ABCC2: variants seen among roughly 807,000 people sequenced by gnomAD.
ABCC2 encodes the protein ATP binding cassette subfamily C member 2, also known as ATP-binding cassette sub-family C member 2.
Under a neutral mutation model 173.4 loss-of-function variants are expected in ABCC2, and 157 were observed. The observed-to-expected ratio is 0.91, with a 90% CI of 0.80 to 1.03. ABCC2 has a LOEUF of 1.03. ABCC2 is among the 50% of genes least tolerant of loss of function. The probability of loss-of-function intolerance (pLI) is 0.00; values close to 1 mark genes in which losing one functional copy is unlikely to be tolerated. For synonymous variants in ABCC2, 657 were observed against 693.5 expected, an observed-to-expected ratio of 0.95 and a Z score of 0.83; for missense variants, 1,822 against 1,852.3, an observed-to-expected ratio of 0.98 and a Z score of 0.30.
intron 2 of ABCC2, among the ~76,000 whole-genome samples, chr10:99,786,332 T>C (rs2037710431): frequency 6.6e-6 from 1 of 152,210 alleles, no homozygotes; most frequent in Non-Finnish European, 1.5e-5. Flanking sequence ...TGTTAGACTT[T>C]GAACATTCTG....
chr10:99,832,729 T>C (rs1182001901), intron 23 of ABCC2, among the ~76,000 whole-genome samples: 1 of 152,244 alleles, frequency 6.6e-6, no homozygotes, highest in African/African-American at 2.4e-5. Context: ...GACTATGGAA[T>C]AGAGCCATCA....
Position 99,851,722 on chromosome 10 carries a change from G to A in ABCC2, c.*91G>A. 7.9e-7 allele frequency: 1 copy of A among 1,273,008 alleles called. No homozygotes were observed. The allele number at this position is 1,273,008 out of a possible 1,614,324, so 78.9% of individuals were successfully genotyped here. A position where few individuals can be genotyped will look rare whatever the true frequency, so the allele number is the denominator to read the frequency against. The stretch of plus-strand genomic sequence containing the variant: ...AAATACAGAATACATACAAAAGTGT[G>A]TATAAAATGTACGTTTTAAAAAAGG... On this transcript the variant is annotated 3_prime_UTR_variant, in exon 32 of 32. Coordinates refer to ENST00000647814, the MANE Select transcript of ABCC2 (RefSeq NM_000392.5).
intron 19 of ABCC2, among the ~76,000 whole-genome samples, chr10:99,822,177 A>T (rs1254655535): frequency 6.6e-6 from 1 of 152,180 alleles, no homozygotes; most frequent in Non-Finnish European, 1.5e-5. Flanking sequence ...CCCAGTAGGT[A>T]TAGTTAGCTG....
Position 99,814,454 on chromosome 10 carries a change from TATACATAC to T in ABCC2, c.2094+1312_2094+1319del, listed in dbSNP as rs1269477924. ...ATGTGTATACACACATATGTGTGTA[TATACATAC>T]ACACATATGTGTGTATATACATACA... On this transcript the variant is annotated intron_variant, in intron 16 of 31. Coordinates refer to ENST00000647814, the MANE Select transcript of ABCC2 (RefSeq NM_000392.5). Among the ~76,000 whole-genome samples the T allele has an allele frequency of 3.2e-5, 2 of 61,678 alleles. 1 individual carries two copies. Among genetic ancestry groups the T allele is most frequent in the Non-Finnish European group, 5.9e-5 (2 of 33,974 alleles). 40.5% of individuals were successfully genotyped at this position (61,678 alleles called of 152,430 possible).
intron 19 of ABCC2, among the ~76,000 whole-genome samples, chr10:99,827,461 T>A (rs995713685): frequency 1.3e-5 from 2 of 152,238 alleles, no homozygotes; most frequent in Admixed American, 6.5e-5. Flanking sequence ...TTTTTCCTTG[T>A]CTTTTCATTA....
intron 19 of ABCC2, among the ~76,000 whole-genome samples, chr10:99,824,134 T>C (rs1411626614): frequency 6.6e-6 from 1 of 152,164 alleles, no homozygotes; most frequent in Non-Finnish European, 1.5e-5. Context: ...GGGGTTAACA[T>C]TCTTTTACTA....
intron 16 of ABCC2, among the ~76,000 whole-genome samples, chr10:99,814,378 C>CACGTATGTATGCACACATGTAT: frequency 8.3e-5 from 2 of 24,126 alleles, no homozygotes; most frequent in Admixed American, 8.6e-4. Context: ...TATATATACA[C>CACGTATGTATGCACACATGTAT]ATATATACAT....
At chr10:99,791,403 G>A (rs761066784) in intron 2 of ABCC2, among the ~76,000 whole-genome samples, 8 of 152,274 alleles carry the variant, frequency 5.3e-5, no homozygotes, top group African/African-American at 7.2e-5. Context: ...GTGAGACTCC[G>A]TCTCAAAACA....
rs112758556 is a variant in ABCC2, at chr10:99,830,429, C to A, written c.2743C>A (p.Arg915Ser). ...RENSFRRTLS[R>S]SSRSNGRHLK... ...GAACAGCTTTCGTCGAACACTTAGC[C>A]GCAGGTTGGCTATCTATTCAGCTGG... The change falls in exon 20 of 32, where the codon CGC becomes AGC. Residue 915 changes from arginine (R) to serine (S), a missense_variant. By Grantham distance (110) the Arg-to-Ser change is moderately radical (BLOSUM62 -1). Transcript: ENST00000647814. The A allele has an allele frequency of 3.1e-6, 5 of 1,614,062 alleles. No homozygotes were observed. The highest frequency in any genetic ancestry group is 4.2e-6 in the Non-Finnish European group (5 of 1,180,034).
At chr10:99,794,028 T>C in intron 5 of ABCC2, 29 bp downstream of exon 5, 1 of 1,540,200 alleles carries the variant, frequency 6.5e-7, no homozygotes, top group Non-Finnish European at 9.0e-7. Context: ...CCATCTCATA[T>C]ATTACTTAAT....
rs2037861761 is a variant in ABCC2 at position 99,794,444 on chromosome 10, G to C, written c.608G>C (p.Ser203Thr). 6.2e-7 allele frequency: 1 copy of C among 1,613,928 alleles called. No individual in the cohort carries two copies. The highest frequency in any genetic ancestry group is 8.5e-7 in the Non-Finnish European group (1 of 1,179,912). The change falls in exon 6 of 32, where the codon AGC becomes ACC. Residue 203 changes from serine (S) to threonine (T), a missense_variant. By Grantham distance (58) the Ser-to-Thr change is moderately conservative. Coordinates refer to ENST00000647814, the MANE Select transcript of ABCC2 (RefSeq NM_000392.5). Reference sequence around the variant, plus strand: ...TCATCCATAGCTTCATTCCTGAGTAGCATTACCTACAGCTGGTATGACAGG... The same window carrying C: ...TCATCCATAGCTTCATTCCTGAGTACCATTACCTACAGCTGGTATGACAGG... Reference protein sequence around the residue: ...NPSSIASFLSSITYSWYDSII... With the variant: ...NPSSIASFLSTITYSWYDSII...
intron 31 of ABCC2, among the ~76,000 whole-genome samples, 169 bp downstream of exon 31, chr10:99,850,965 C>T (rs1020559255): frequency 3.3e-5 from 5 of 152,126 alleles, no homozygotes; most frequent in African/African-American, 1.2e-4. Context: ...TTACATCACG[C>T]AAATGAAAAC....
At chr10:99,820,468 C>A (rs966265509) in intron 19 of ABCC2, among the ~76,000 whole-genome samples, 1 of 152,014 alleles carries the variant, frequency 6.6e-6, no homozygotes, top group East Asian at 1.9e-4. Context: ...AAAGAAAAAT[C>A]TAAGCCAGGG....
chr10:99,782,747 A>G lies in ABCC2; in HGVS notation c.-98A>G, dbSNP rs1243114055. ...TTTACGGAGAACATCAGAATGGTAG[A>G]TAATTCCTGTTCCACTTTCTTTGAT... On this transcript the variant is annotated 5_prime_UTR_variant, in exon 1 of 32. Transcript: ENST00000647814. 5.1e-6 allele frequency: 7 copies of G among 1,370,288 alleles called. No individual in the cohort carries two copies. The East Asian group carries it at 1.6e-4, about 31-fold the overall frequency. 84.9% of individuals were successfully genotyped at this position (1,370,288 alleles called of 1,614,324 possible).
chr10:99,816,245 C>T (rs1030009009), intron 16 of ABCC2, among the ~76,000 whole-genome samples: 3 of 152,152 alleles, frequency 2.0e-5, no homozygotes, highest in Non-Finnish European at 4.4e-5. Context: ...GAATTACAGG[C>T]GTGAGCCACC....
At chr10:99,806,399 T>C (rs949790304) in intron 11 of ABCC2, among the ~76,000 whole-genome samples, 7 of 152,170 alleles carry the variant, frequency 4.6e-5, no homozygotes, top group African/African-American at 1.7e-4. Context: ...AATTTGAAGT[T>C]TGTAAAACCC....
chr10:99,851,729 A>G lies in ABCC2; in HGVS notation c.*98A>G. 1.6e-6 allele frequency: 2 copies of G among 1,245,636 alleles called. No individual in the cohort carries two copies. The highest frequency in any genetic ancestry group is 2.3e-5 in the Admixed American group (1 of 43,912). 77.2% of individuals were successfully genotyped at this position (1,245,636 alleles called of 1,614,324 possible). Reference sequence around the variant, plus strand: ...GAATACATACAAAAGTGTGTATAAAATGTACGTTTTAAAAAAGGATAAGTG... The same window carrying G: ...GAATACATACAAAAGTGTGTATAAAGTGTACGTTTTAAAAAAGGATAAGTG... On this transcript the variant is annotated 3_prime_UTR_variant, in exon 32 of 32. Transcript: ENST00000647814.
intron 25 of ABCC2, among the ~76,000 whole-genome samples, chr10:99,841,259 A>G (rs1273684904): frequency 6.6e-6 from 1 of 152,172 alleles, no homozygotes; most frequent in African/African-American, 2.4e-5. Context: ...TTCATTTAAA[A>G]TGCAGATTTT....
intron 6 of ABCC2, among the ~76,000 whole-genome samples, chr10:99,796,365 G>A (rs571016438): frequency 3.3e-5 from 5 of 152,196 alleles, no homozygotes; most frequent in East Asian, 3.9e-4. Flanking sequence ...TTAGCCAGGC[G>A]TGGTGGTGTG....
Sources: gnomAD v4.1 joint callset for allele counts (sites outside exome capture counted in the v4.1 genomes callset) on GRCh38, gnomAD v4.1.1 for gene constraint, MANE v1.5 for transcripts, NCBI Gene and HGNC (gene_info 2026-07-23, HGNC 2026-07-21) for gene names.